ARHGAP10: variants seen among roughly 807,000 people sequenced by gnomAD.
ARHGAP10 encodes rho GTPase-activating protein 10.
Under a neutral mutation model 108.6 loss-of-function variants are expected in ARHGAP10, and 87 were observed. The observed-to-expected ratio is 0.80, with a 90% CI of 0.67 to 0.96. The LOEUF (loss-of-function observed/expected upper bound fraction) is 0.96. ARHGAP10 is among the 40% of genes least tolerant of loss of function. ARHGAP10 has a pLI of 0.00. For synonymous variants in ARHGAP10, 347 were observed against 341.1 expected (o/e 1.02, Z -0.19); for missense variants, 939 against 954.5 (o/e 0.98, Z 0.21).
intron 10 of ARHGAP10, among the ~76,000 whole-genome samples, 157 bp from the exon 11 acceptor site, chr4:147,906,481 C>G (rs924826506): frequency 1.3e-5 from 2 of 152,040 alleles, no homozygotes; most frequent in Admixed American, 1.3e-4. Flanking sequence ...TGCCATTGAA[C>G]TCTACACTTA....
chr4:147,844,783 C>T (rs767623776), intron 3 of ARHGAP10, among the ~76,000 whole-genome samples: 12 of 152,308 alleles, frequency 7.9e-5, no homozygotes, highest in Non-Finnish European at 1.5e-4. Context: ...GAACCACCGC[C>T]ATCTCTTCGT....
rs372417270 is a variant in ARHGAP10 at position 147,879,351 on chromosome 4, T to G, written c.939+13T>G. 309 of 1,606,040 alleles carry G rather than the reference T, an allele frequency of 1.9e-4. No individual in the cohort carries two copies. The highest frequency in any genetic ancestry group is 2.4e-4 in the Non-Finnish European group (276 of 1,173,562). ...TGGAGGGAAACTTGTAAGTATTTGA[T>G]TCAACATAGAATAGATTATAATCTG... is the stretch of plus-strand genomic sequence containing the variant. On this transcript the variant is annotated intron_variant, in intron 9 of 22. Coordinates refer to ENST00000336498, the MANE Select transcript of ARHGAP10 (RefSeq NM_024605.4).
At chr4:147,861,807 T>G (rs1419637688) in intron 5 of ARHGAP10, 1 of 152,294 alleles carries the variant, frequency 6.6e-6, no homozygotes, top group Non-Finnish European at 1.5e-5. Flanking sequence ...TGAGTCTGGC[T>G]GAGTCCAGAG....
chr4:147,901,649 A>G (rs1290827231), intron 10 of ARHGAP10, among the ~76,000 whole-genome samples: 1 of 152,176 alleles, frequency 6.6e-6, no homozygotes, highest in Non-Finnish European at 1.5e-5. Context: ...TTGGATTTTT[A>G]TCCAGAAATA....
chr4:147,822,696 A>G (rs374929352), intron 1 of ARHGAP10, 31 bp from the exon 2 acceptor site: 22 of 1,597,100 alleles, frequency 1.4e-5, no homozygotes, highest in Admixed American at 6.7e-5. Context: ...TAAAACAAGA[A>G]CCCAAGTCAT....
chr4:147,960,412 A>G (rs1382036743), intron 16 of ARHGAP10, among the ~76,000 whole-genome samples: 3 of 152,188 alleles, frequency 2.0e-5, no homozygotes, highest in Non-Finnish European at 4.4e-5. Flanking sequence ...ACTTGTCTTT[A>G]CAAACATTGG....
chr4:147,835,265 C>T (rs1347275305), intron 3 of ARHGAP10, among the ~76,000 whole-genome samples: 1 of 152,158 alleles, frequency 6.6e-6, no homozygotes, highest in African/African-American at 2.4e-5. Context: ...CTGTTGACTG[C>T]CACTTTTTTC....
rs374029769 is a variant in ARHGAP10, at chr4:147,918,329, G to T, written c.1228+5190G>T. Among the ~76,000 whole-genome samples the T allele has an allele frequency of 1.8e-4, 28 of 151,962 alleles. No individual in the cohort carries two copies. In the East Asian group the frequency reaches 5.4e-3, roughly 29 times the overall value. ...TTTTTGTATTTTTAGTAGAGACAGG[G>T]TTTCACCGTGTTAGCCAGGATGGTC... is the stretch of plus-strand genomic sequence containing the variant. On this transcript the variant is annotated intron_variant, in intron 13 of 22. Transcript: ENST00000336498.
At chr4:147,831,764 A>G (rs969196983) in intron 3 of ARHGAP10, among the ~76,000 whole-genome samples, 2 of 152,186 alleles carry the variant, frequency 1.3e-5, no homozygotes, top group African/African-American at 4.8e-5. Context: ...GTACCGTTTG[A>G]GAGTTTAATT....
chr4:147,971,758 A>C (rs1739413586), intron 18 of ARHGAP10, among the ~76,000 whole-genome samples: 1 of 152,162 alleles, frequency 6.6e-6, no homozygotes, highest in South Asian at 2.1e-4. Context: ...ATTTACTTTT[A>C]TAGGTACTGG....
At chr4:148,065,054 A>G (rs1035274153) in intron 22 of ARHGAP10, among the ~76,000 whole-genome samples, 1 of 152,214 alleles carries the variant, frequency 6.6e-6, no homozygotes, top group African/African-American at 2.4e-5. Flanking sequence ...TGAGGATTTA[A>G]TATTCATACA....
intron 16 of ARHGAP10, among the ~76,000 whole-genome samples, chr4:147,958,503 T>G (rs1025004655): frequency 2.0e-5 from 3 of 152,244 alleles, no homozygotes; most frequent in African/African-American, 7.2e-5. Flanking sequence ...CAGAATGTTC[T>G]ATCGTTTTTG....
chr4:147,896,145 G>T (rs1161582208), intron 10 of ARHGAP10, among the ~76,000 whole-genome samples: 3 of 152,120 alleles, frequency 2.0e-5, no homozygotes, highest in African/African-American at 7.2e-5. Flanking sequence ...TTAAATTTAT[G>T]TTCATGAGAG....
At chr4:147,849,608 C>G (rs557863973) in intron 4 of ARHGAP10, among the ~76,000 whole-genome samples, 1 of 152,230 alleles carries the variant, frequency 6.6e-6, no homozygotes, top group African/African-American at 2.4e-5. Flanking sequence ...TTCCCCGTCT[C>G]CTGTTTCCCA....
At chr4:147,753,220 A>G (rs544293075) in intron 1 of ARHGAP10, among the ~76,000 whole-genome samples, 3 of 152,328 alleles carry the variant, frequency 2.0e-5, no homozygotes, top group South Asian at 2.1e-4. Flanking sequence ...GGAATGTCCA[A>G]CCTTCTTACA....
chr4:147,970,240 G>T (rs1170831591), intron 18 of ARHGAP10, among the ~76,000 whole-genome samples: 1 of 152,076 alleles, frequency 6.6e-6, no homozygotes, highest in Non-Finnish European at 1.5e-5. Flanking sequence ...TGTTAGCCAC[G>T]GGTTTCCCTG....
chr4:147,877,672 A>G (rs1560805185), intron 8 of ARHGAP10, among the ~76,000 whole-genome samples: 2 of 152,156 alleles, frequency 1.3e-5, no homozygotes, highest in South Asian at 2.1e-4. Flanking sequence ...TCCAGATGCT[A>G]GAGGTCCCTC....
intron 18 of ARHGAP10, among the ~76,000 whole-genome samples, chr4:147,992,085 T>G (rs1560863183): frequency 6.6e-6 from 1 of 152,222 alleles, no homozygotes. Context: ...ACTGGATTAA[T>G]TTGGCACAGG....
chr4:148,070,503 C>G (rs1730122389), intron 22 of ARHGAP10, among the ~76,000 whole-genome samples: 1 of 152,194 alleles, frequency 6.6e-6, no homozygotes, highest in East Asian at 1.9e-4. Flanking sequence ...TGGATTGTCC[C>G]TGTCTTCCAA....
Sources: allele counts gnomAD v4.1 joint callset (sites outside exome capture counted in the v4.1 genomes callset), GRCh38; gene constraint gnomAD v4.1.1; transcripts MANE v1.5; gene names NCBI Gene and HGNC (gene_info 2026-07-23, HGNC 2026-07-21).